The following CPNE1 variants were observed in gnomAD, a reference collection of about 807,000 sequenced individuals.
CPNE1 encodes the protein copine-1.
CPNE1 carries 58 observed loss-of-function variants against 63.2 expected under a neutral mutation model. That is an observed-to-expected ratio of 0.92 (90% confidence interval 0.74 to 1.14). The LOEUF is 1.14. Ranked by LOEUF, CPNE1 falls within the 50% of genes most tolerant of loss-of-function variation. CPNE1 has a pLI of 0.00. For synonymous variants in CPNE1, 237 were observed against 249.0 expected (o/e 0.95, Z 0.45); for missense variants, 672 against 661.7 (o/e 1.02, Z -0.17).
chr20:35,632,292 C>A lies in CPNE1; in HGVS notation c.384+19G>T. ...TCATTGATGTTAAGTCCCTCCTCAA[C>A]CCTTGCTGGGTTCCTTACCGTGATG... On this transcript the variant is annotated intron_variant, in intron 4 of 15. Transcript: ENST00000397443. 6.2e-7 allele frequency: 1 copy of A among 1,613,952 alleles called. No individual in the cohort carries two copies. The highest frequency in any genetic ancestry group is 8.5e-7 in the Non-Finnish European group (1 of 1,179,836).
chr20:35,626,318 A>C lies in CPNE1; in HGVS notation c.1537T>G (p.Phe513Val). ...AEVPTQLVSY[F>V]RAQGWAPLKP... ...AGCGGGGCCCAACCCTGGGCCCTGA[A>C]GTATGAGACCAGTTGTGTGGGCACT... is the stretch of plus-strand genomic sequence containing the variant. Residue 513 changes from phenylalanine to valine, a missense_variant, in exon 16 of 16, where the codon TTC becomes GTC. By Grantham distance (50) the Phe-to-Val change is conservative. Coordinates refer to ENST00000397443, the MANE Select transcript of CPNE1 (RefSeq NM_152925.3). The C allele has an allele frequency of 6.2e-7, 1 of 1,614,084 alleles. No individual in the cohort carries two copies. The highest frequency in any genetic ancestry group is 1.1e-5 in the South Asian group (1 of 91,082).
chr20:35,646,756 A>G (rs535181931), intron 1 of CPNE1, among the ~76,000 whole-genome samples: 73 of 152,294 alleles, frequency 4.8e-4, no homozygotes, highest in African/African-American at 1.6e-3. Flanking sequence ...AAATGAGTTA[A>G]ATACACTCAA....
In CPNE1 at chr20:35,626,986, G is replaced by A. The variant is rs75995644; in HGVS notation, c.1237-183C>T. Reference sequence around the variant, plus strand: ...GCGGATCACTTGAGGTCAGGAGTTTGTGACCACCCCAGCCAACATGGTGAA... The same window carrying A: ...GCGGATCACTTGAGGTCAGGAGTTTATGACCACCCCAGCCAACATGGTGAA... On this transcript the variant is annotated intron_variant, in intron 14 of 15. Coordinates refer to ENST00000397443, the MANE Select transcript of CPNE1 (RefSeq NM_152925.3). 1,734 of 638,758 alleles carry A rather than the reference G, an allele frequency of 2.7e-3. 26 individuals carry two copies. The East Asian group carries it at 0.04, about 15-fold the overall frequency. The allele number at this position is 638,758 out of a possible 1,614,324, so 39.6% of individuals were successfully genotyped here.
intron 1 of CPNE1, among the ~76,000 whole-genome samples, chr20:35,640,681 G>C (rs1210039486): frequency 6.6e-6 from 1 of 151,988 alleles, no homozygotes; most frequent in African/African-American, 2.4e-5. Context: ...TCTCCTCTTG[G>C]ACTGTAACTT....
intron 1 of CPNE1, chr20:35,653,572 C>T: frequency 6.2e-7 from 1 of 1,614,200 alleles, no homozygotes; most frequent in Non-Finnish European, 8.5e-7. Flanking sequence ...CTGTCCTAGA[C>T]CTTGCCCATT....
rs747096210 is a variant in CPNE1, at chr20:35,632,324, C to G, written c.371G>C (p.Arg124Pro). 5 of 1,613,932 alleles carry G rather than the reference C, an allele frequency of 3.1e-6. No homozygotes were observed. Among genetic ancestry groups the G allele is most frequent in the Non-Finnish European group, 4.2e-6 (5 of 1,179,986 alleles). The change falls in exon 4 of 16, where the codon CGG (arginine) becomes CCG (proline). Residue 124 changes from arginine (R) to proline (P), a missense_variant. Transcript: ENST00000397443. Reference protein sequence around the residue: ...LMLKPGKPAGRGTITVSAQEL... With the variant: ...LMLKPGKPAGPGTITVSAQEL... ...TGGGTTCCTTACCGTGATGGTCCCC[C>G]GCCCAGCAGGTTTTCCAGGCTTCAG...
At chr20:35,630,321 TA>T (rs2032036105) in intron 13 of CPNE1, 117 bp downstream of exon 13, 5 of 789,986 alleles carry the variant, frequency 6.3e-6, no homozygotes, top group Non-Finnish European at 8.3e-6. Flanking sequence ...TAAAATTAAA[TA>T]AAATCCACCC....
chr20:35,661,779 G>T (rs1163623583), intron 1 of CPNE1, among the ~76,000 whole-genome samples: 3 of 152,122 alleles, frequency 2.0e-5, no homozygotes, highest in Non-Finnish European at 4.4e-5. Context: ...AAACTAAAAC[G>T]ACTATTTTCA....
At chr20:35,646,643 C>G (rs1004336500) in intron 1 of CPNE1, among the ~76,000 whole-genome samples, 1 of 152,006 alleles carries the variant, frequency 6.6e-6, no homozygotes, top group Non-Finnish European at 1.5e-5. Flanking sequence ...TGGTTACGAG[C>G]AGGTTTACTA....
At chr20:35,647,980 G>C (rs1243774777) in intron 1 of CPNE1, among the ~76,000 whole-genome samples, 1 of 150,964 alleles carries the variant, frequency 6.6e-6, no homozygotes, top group Non-Finnish European at 1.5e-5. Context: ...CAGGAGAATC[G>C]CTTGAACCCA....
chr20:35,645,032 C>T (rs947149939), intron 1 of CPNE1, among the ~76,000 whole-genome samples: 1 of 152,190 alleles, frequency 6.6e-6, no homozygotes, highest in Admixed American at 6.5e-5. Flanking sequence ...TGTCTATCAC[C>T]TGTGGGGTGT....
chr20:35,633,401 T>A (rs2032290317), intron 1 of CPNE1, among the ~76,000 whole-genome samples: 1 of 152,190 alleles, frequency 6.6e-6, no homozygotes, highest in Admixed American at 6.5e-5. Context: ...TTCCAATAAT[T>A]TCTCACTAAC....
chr20:35,626,500 C>T (rs2031751200), intron 15 of CPNE1, 67 bp downstream of exon 15: 1 of 1,589,454 alleles, frequency 6.3e-7, no homozygotes, highest in Non-Finnish European at 8.6e-7. Context: ...TCCCTTGGGC[C>T]TCAACCCTAC....
rs191076226 is a variant in CPNE1 at position 35,640,788 on chromosome 20, A to G, written c.1-7865T>C. Among the ~76,000 whole-genome samples the G allele has an allele frequency of 1.9e-3, 295 of 152,294 alleles. 2 individuals are homozygous for G. The highest frequency in any genetic ancestry group is 3.0e-3 in the Non-Finnish European group (203 of 68,018). ...ATCTGTTAAATTTATGAATGCTAGG[A>G]AAGGAGTGATACTCAAGGATCCTCA... On this transcript the variant is annotated intron_variant, in intron 1 of 15. Transcript: ENST00000397443.
At chr20:35,632,461 G>C in intron 3 of CPNE1, 56 bp downstream of exon 3, 1 of 1,605,262 alleles carries the variant, frequency 6.2e-7, no homozygotes, top group Non-Finnish European at 8.5e-7. Context: ...CTCCAGGCAG[G>C]CTAGGTTGTC....
At chr20:35,655,820 G>C (rs745325443) in intron 1 of CPNE1, among the ~76,000 whole-genome samples, 2 of 152,060 alleles carry the variant, frequency 1.3e-5, no homozygotes, top group Non-Finnish European at 2.9e-5. Flanking sequence ...ATTTTATAGA[G>C]CTCAGTCTCA....
At chr20:35,663,678 A>ATT (rs2034362004) in intron 1 of CPNE1, among the ~76,000 whole-genome samples, 3 of 152,198 alleles carry the variant, frequency 2.0e-5, no homozygotes, top group Admixed American at 2.0e-4. Context: ...TTTAGCACTT[A>ATT]ATACTGAGTA....
intron 1 of CPNE1, chr20:35,652,347 T>C: frequency 1.5e-6 from 1 of 681,894 alleles, no homozygotes; most frequent in Non-Finnish European, 2.4e-6. Flanking sequence ...TACAGCAATG[T>C]TTATCCTGGT....
At chr20:35,659,203 C>G (rs931849769) in intron 1 of CPNE1, among the ~76,000 whole-genome samples, 1 of 151,054 alleles carries the variant, frequency 6.6e-6, no homozygotes. Flanking sequence ...GTTGGTATTG[C>G]TTTCAAATTT....
Sources: allele counts gnomAD v4.1 joint callset (sites outside exome capture counted in the v4.1 genomes callset), GRCh38; gene constraint gnomAD v4.1.1; transcripts MANE v1.5; gene names NCBI Gene and HGNC (gene_info 2026-07-23, HGNC 2026-07-21).